ATRX: variants seen among roughly 807,000 people sequenced by gnomAD.
The protein encoded by ATRX is ATRX chromatin remodeler.
ATRX carries 12 observed loss-of-function variants against 172.6 expected under a neutral mutation model. The observed-to-expected ratio is 0.07, with a 90% CI of 0.04 to 0.11. The LOEUF (loss-of-function observed/expected upper bound fraction) is 0.11. Among genes scored for constraint, ATRX ranks in the 10% least tolerant of loss-of-function variants. The pLI, the probability that ATRX is intolerant of heterozygous loss-of-function variation, is 1.00. For missense variants in ATRX, 1,368 were observed against 1,767.4 expected (o/e 0.77, Z 4.05); for synonymous variants, 674 against 594.7 (o/e 1.13, Z -1.94).
rs180983207 is a variant in ATRX at position 77,751,483 on chromosome X, C to T, written c.21-34240G>A. 6.3e-5 allele frequency among the ~76,000 whole-genome samples: 7 copies of T among 111,946 alleles called. No individual in the cohort carries two copies. In the Admixed American group the frequency reaches 6.6e-4, roughly 11 times the overall value. On this transcript the variant is annotated intron_variant, in intron 1 of 34. Transcript: ENST00000373344. Reference sequence around the variant, plus strand: ...CATTCTGTAGGCTGCCTGTTCACTCCAATGATAGTTTTTTTGCTGTGTGGA... The same window carrying T: ...CATTCTGTAGGCTGCCTGTTCACTCTAATGATAGTTTTTTTGCTGTGTGGA...
intron 2 of ATRX, among the ~76,000 whole-genome samples, chrX:77,712,032 C>G (rs782807476): frequency 8.9e-6 from 1 of 111,892 alleles, no homozygotes; most frequent in South Asian, 3.7e-4. Context: ...ATCTGGTTTT[C>G]CCATTCTGTG....
At chrX:77,661,544 G>A (rs1399126887) in intron 12 of ATRX, among the ~76,000 whole-genome samples, 5 of 109,545 alleles carry the variant, frequency 4.6e-5, no homozygotes, top group Admixed American at 2.0e-4. Context: ...GCAAAAATGC[G>A]TTCCTATTCC....
intron 3 of ATRX, 115 bp downstream of exon 3, chrX:77,698,459 T>C (rs2072310469): frequency 1.7e-6 from 1 of 596,727 alleles, no homozygotes; most frequent in Non-Finnish European, 2.7e-6. Flanking sequence ...TGAAGTATAA[T>C]GACAACTGGG....
intron 15 of ATRX, among the ~76,000 whole-genome samples, chrX:77,649,187 AAAGGAAGGAAGG>A (rs782465684): frequency 5.5e-5 from 6 of 109,904 alleles, no homozygotes; most frequent in African/African-American, 1.3e-4. Context: ...AGAAAGAAAG[AAAGGAAGGAAGG>A]AAGGAAGGGA....
chrX:77,647,215 A>G (rs1449599825), intron 15 of ATRX, among the ~76,000 whole-genome samples: 1 of 112,236 alleles, frequency 8.9e-6, no homozygotes, highest in Non-Finnish European at 1.9e-5. Context: ...ACACTTTGAG[A>G]CAAATGAAAG....
rs188151223 is a variant in ATRX at position 77,536,499 on chromosome X, C to G, written c.6700-13098G>C. ...TACTCCAGGAGTGTTAAAAGACTTA[C>G]ATGTATGAATCAGTCAACCTAACCA... is the stretch of plus-strand genomic sequence containing the variant. On this transcript the variant is annotated intron_variant, in intron 30 of 34. Transcript: ENST00000373344. Among the ~76,000 whole-genome samples, 4 of 111,750 alleles carry G rather than the reference C, an allele frequency of 3.6e-5. No homozygotes were observed. The Admixed American group carries it at 3.8e-4, about 11-fold the overall frequency.
chrX:77,737,165 C>A (rs1557179514), intron 1 of ATRX, among the ~76,000 whole-genome samples: 1 of 110,678 alleles, frequency 9.0e-6, no homozygotes, highest in Non-Finnish European at 1.9e-5. Flanking sequence ...TGGCTCACAC[C>A]TGTACTCCCA....
At chrX:77,685,313 T>C (rs1334945166) in intron 7 of ATRX, among the ~76,000 whole-genome samples, 1 of 111,780 alleles carries the variant, frequency 8.9e-6, no homozygotes, top group African/African-American at 3.2e-5. Context: ...ATAACCACAA[T>C]ATATAAAGAG....
intron 19 of ATRX, among the ~76,000 whole-genome samples, 181 bp downstream of exon 19, chrX:77,633,026 G>A (rs1403450765): frequency 8.9e-6 from 1 of 111,979 alleles, no homozygotes; most frequent in Non-Finnish European, 1.9e-5. Flanking sequence ...CTGAACAGCT[G>A]GCGACATTAA....
At chrX:77,539,397 C>CA (rs2063880367) in intron 30 of ATRX, among the ~76,000 whole-genome samples, 1 of 110,477 alleles carries the variant, frequency 9.1e-6, no homozygotes, top group Non-Finnish European at 1.9e-5. Context: ...ACATTCTTGC[C>CA]AAAAATGTAT....
chrX:77,571,932 T>TA lies in ATRX; in HGVS notation c.6326+2317dup, dbSNP rs782060745. Reference sequence around the variant, plus strand: ...ATGGTCATTATCTTAAAGTTTATTTTAATGTGTCTTTCAGATTGCTTTGGC... The same window carrying TA: ...ATGGTCATTATCTTAAAGTTTATTTTAAATGTGTCTTTCAGATTGCTTTGGC... On this transcript the variant is annotated intron_variant, in intron 28 of 34. Coordinates refer to ENST00000373344, the MANE Select transcript of ATRX (RefSeq NM_000489.6). Among the ~76,000 whole-genome samples, 6 of 111,935 alleles carry TA rather than the reference T, an allele frequency of 5.4e-5. No individual in the cohort carries two copies. In the South Asian group the frequency reaches 2.2e-3, roughly 41 times the overall value.
At chrX:77,652,923 T>C (rs2069334268) in intron 14 of ATRX, among the ~76,000 whole-genome samples, 1 of 106,743 alleles carries the variant, frequency 9.4e-6, no homozygotes, top group Admixed American at 1.0e-4. Flanking sequence ...TGAAAAGATG[T>C]TGAATATCAC....
At chrX:77,766,545 GT>G (rs2075950287) in intron 1 of ATRX, among the ~76,000 whole-genome samples, 1 of 109,161 alleles carries the variant, frequency 9.2e-6, no homozygotes, top group Non-Finnish European at 1.9e-5. Context: ...CCCAGACGGG[GT>G]CGCAGCCGGG....
chrX:77,621,845 AAAAAAC>A (rs1185572306), intron 19 of ATRX, among the ~76,000 whole-genome samples: 6 of 109,084 alleles, frequency 5.5e-5, no homozygotes, highest in Admixed American at 4.9e-4. Flanking sequence ...AAATAGTAAA[AAAAAAC>A]AACAACAACA....
At chrX:77,538,180 C>T (rs781985193) in intron 30 of ATRX, among the ~76,000 whole-genome samples, 56 of 107,891 alleles carry the variant, frequency 5.2e-4, no homozygotes, top group South Asian at 3.3e-3. Flanking sequence ...CATGTGCCCC[C>T]GAACTTAAAA....
At chrX:77,719,187 T>G (rs2073610400) in intron 1 of ATRX, among the ~76,000 whole-genome samples, 1 of 111,105 alleles carries the variant, frequency 9.0e-6, no homozygotes, top group South Asian at 3.8e-4. Flanking sequence ...AGAAAACGAT[T>G]TTCAAATCCT....
At chrX:77,610,323 C>G in intron 22 of ATRX, among the ~76,000 whole-genome samples, 1 of 111,835 alleles carries the variant, frequency 8.9e-6, no homozygotes, top group African/African-American at 3.2e-5. Flanking sequence ...AGGAGAAAGC[C>G]ATTGAGTTTT....
intron 1 of ATRX, among the ~76,000 whole-genome samples, chrX:77,749,836 G>C (rs1957334939): frequency 1.8e-5 from 2 of 110,987 alleles, no homozygotes; most frequent in Non-Finnish European, 3.8e-5. Flanking sequence ...CCTTTGTCCA[G>C]TGTATACATG....
At chrX:77,537,065 T>C (rs2063772371) in intron 30 of ATRX, among the ~76,000 whole-genome samples, 1 of 112,029 alleles carries the variant, frequency 8.9e-6, no homozygotes, top group Non-Finnish European at 1.9e-5. Context: ...ATGGAGAAAC[T>C]GATTTTTTAA....
Sources: gnomAD v4.1 joint callset for allele counts (sites outside exome capture counted in the v4.1 genomes callset) on GRCh38, gnomAD v4.1.1 for gene constraint, MANE v1.5 for transcripts, NCBI Gene and HGNC (gene_info 2026-07-23, HGNC 2026-07-21) for gene names.